The following MARK3 variants were observed in gnomAD, a reference collection of about 807,000 sequenced individuals.
The protein encoded by MARK3 is microtubule affinity regulating kinase 3, also known as MAP/microtubule affinity-regulating kinase 3.
In MARK3, 46 loss-of-function variants were observed where a neutral mutation model predicts 90.1. The observed-to-expected ratio is 0.51, with a 90% CI of 0.40 to 0.65. The LOEUF (loss-of-function observed/expected upper bound fraction) is 0.65. Ranked by LOEUF, MARK3 falls within the 30% of genes least tolerant of loss-of-function variation. MARK3 has a pLI of 0.00. For missense variants in MARK3, 818 were observed against 947.2 expected, an observed-to-expected ratio of 0.86 and a Z score of 1.79; for synonymous variants, 321 against 332.6, an observed-to-expected ratio of 0.97 and a Z score of 0.38.
At chr14:103,403,452 G>C (rs1371957392) in intron 1 of MARK3, among the ~76,000 whole-genome samples, 1 of 151,722 alleles carries the variant, frequency 6.6e-6, no homozygotes, top group Non-Finnish European at 1.5e-5. Context: ...TTAACCTTCT[G>C]AACACTATAG....
At chr14:103,464,085 C>G (rs989508437) in intron 7 of MARK3, among the ~76,000 whole-genome samples, 1 of 152,148 alleles carries the variant, frequency 6.6e-6, no homozygotes, top group Non-Finnish European at 1.5e-5. Flanking sequence ...TCAGTGCCAA[C>G]CCACAACTCC....
At chr14:103,490,531 A>G (rs2142001660) in intron 14 of MARK3, 2 of 152,310 alleles carry the variant, frequency 1.3e-5, no homozygotes, top group South Asian at 4.1e-4. Flanking sequence ...CAAAAAAAAT[A>G]AATAAAGAAA....
At chr14:103,494,140 A>G (rs2075182554) in intron 15 of MARK3, among the ~76,000 whole-genome samples, 1 of 151,584 alleles carries the variant, frequency 6.6e-6, no homozygotes, top group Non-Finnish European at 1.5e-5. Context: ...AGGCTGAGCC[A>G]GGAGAATCGC....
chr14:103,387,115 T>C (rs1022531933), intron 1 of MARK3, among the ~76,000 whole-genome samples: 8 of 152,236 alleles, frequency 5.3e-5, no homozygotes, highest in Non-Finnish European at 8.8e-5. Context: ...TGGCACGAAA[T>C]GTCTTCTCTT....
At chr14:103,430,492 A>T (rs1312118354) in intron 3 of MARK3, among the ~76,000 whole-genome samples, 1 of 150,942 alleles carries the variant, frequency 6.6e-6, no homozygotes, top group Non-Finnish European at 1.5e-5. Context: ...TAGTTGTATC[A>T]CACTTGCTTC....
intron 12 of MARK3, among the ~76,000 whole-genome samples, chr14:103,468,857 A>G (rs2093570412): frequency 1.3e-5 from 2 of 150,286 alleles, no homozygotes; most frequent in African/African-American, 4.9e-5. Flanking sequence ...TCAAACTCCC[A>G]AGTTCAAACT....
At chr14:103,456,575 T>C (rs1425784164) in intron 5 of MARK3, among the ~76,000 whole-genome samples, 1 of 152,210 alleles carries the variant, frequency 6.6e-6, no homozygotes, top group Non-Finnish European at 1.5e-5. Context: ...TCTCCTACTT[T>C]TTCTCCACAG....
intron 6 of MARK3, among the ~76,000 whole-genome samples, chr14:103,461,519 G>A (rs1180414359): frequency 6.6e-6 from 1 of 152,156 alleles, no homozygotes; most frequent in Non-Finnish European, 1.5e-5. Flanking sequence ...GTTCACGTAC[G>A]TCGCAACATT....
At chr14:103,455,476 C>G (rs959523419) in intron 5 of MARK3, among the ~76,000 whole-genome samples, 4 of 152,136 alleles carry the variant, frequency 2.6e-5, no homozygotes, top group Non-Finnish European at 4.4e-5. Context: ...CGTGTAATCC[C>G]AGCACTTTGG....
intron 14 of MARK3, among the ~76,000 whole-genome samples, chr14:103,485,938 AG>A (rs1270108836): frequency 6.6e-6 from 1 of 152,210 alleles, no homozygotes; most frequent in Non-Finnish European, 1.5e-5. Context: ...GAAGATTAAT[AG>A]GAACTCTCTT....
At chr14:103,393,315 A>G (rs1386892944) in intron 1 of MARK3, among the ~76,000 whole-genome samples, 1 of 152,178 alleles carries the variant, frequency 6.6e-6, no homozygotes, top group African/African-American at 2.4e-5. Flanking sequence ...TCTAAGCACA[A>G]CCTGTTGAAT....
intron 13 of MARK3, among the ~76,000 whole-genome samples, chr14:103,477,906 G>A (rs1251202561): frequency 6.6e-6 from 1 of 151,664 alleles, no homozygotes; most frequent in Non-Finnish European, 1.5e-5. Flanking sequence ...GGCTCAGGTG[G>A]GAAGATCATT....
intron 2 of MARK3, among the ~76,000 whole-genome samples, chr14:103,425,300 C>T (rs1207363422): frequency 1.3e-5 from 2 of 150,154 alleles, no homozygotes; most frequent in Non-Finnish European, 3.0e-5. Context: ...CATTTTCTCG[C>T]CCAGGCTGGA....
In MARK3 at chr14:103,503,425, G is replaced by T; in HGVS notation, c.*198G>T. On this transcript the variant is annotated 3_prime_UTR_variant, in exon 18 of 18. Coordinates refer to ENST00000429436, the MANE Select transcript of MARK3 (RefSeq NM_001128918.3). ...ACTACATTAAAGATGTGCAACCTAT[G>T]CGCCCCCTGCCCTACTTCCGTTACC... The T allele has an allele frequency of 3.4e-6, 2 of 580,036 alleles. No individual in the cohort carries two copies. The highest frequency in any genetic ancestry group is 6.0e-6 in the Non-Finnish European group (2 of 331,692). The allele number at this position is 580,036 out of a possible 1,614,324, so 35.9% of individuals were successfully genotyped here.
intron 3 of MARK3, among the ~76,000 whole-genome samples, chr14:103,429,649 A>G (rs776399013): frequency 2.0e-5 from 3 of 152,228 alleles, no homozygotes; most frequent in Non-Finnish European, 4.4e-5. Flanking sequence ...CAAGGTGGGC[A>G]TGAAACATCT....
chr14:103,456,570 T>C (rs1405989106), intron 5 of MARK3, among the ~76,000 whole-genome samples: 2 of 152,240 alleles, frequency 1.3e-5, no homozygotes, highest in African/African-American at 2.4e-5. Context: ...CTGTCTCTCC[T>C]ACTTTTTCTC....
At chr14:103,395,670 A>T (rs2090535575) in intron 1 of MARK3, among the ~76,000 whole-genome samples, 1 of 152,194 alleles carries the variant, frequency 6.6e-6, no homozygotes, top group African/African-American at 2.4e-5. Flanking sequence ...GTAAATTTTT[A>T]AAATCCTTTC....
chr14:103,461,823 G>A (rs936618909), intron 6 of MARK3, among the ~76,000 whole-genome samples: 4 of 152,138 alleles, frequency 2.6e-5, no homozygotes, highest in African/African-American at 9.7e-5. Context: ...GATCACCTGA[G>A]GTCAGGAGTT....
chr14:103,392,524 GTTTA>G (rs2090323623), intron 1 of MARK3, among the ~76,000 whole-genome samples: 2 of 151,986 alleles, frequency 1.3e-5, no homozygotes, highest in South Asian at 2.1e-4. Flanking sequence ...AATTTCTGAT[GTTTA>G]TTTATTAAGA....
Sources: allele counts gnomAD v4.1 joint callset (sites outside exome capture counted in the v4.1 genomes callset), GRCh38; gene constraint gnomAD v4.1.1; transcripts MANE v1.5; gene names NCBI Gene and HGNC (gene_info 2026-07-23, HGNC 2026-07-21).